KIF16B: variants seen among roughly 807,000 people sequenced by gnomAD.
KIF16B encodes the protein kinesin family member 16B, also known as kinesin-like protein KIF16B.
Under a neutral mutation model 156.3 loss-of-function variants are expected in KIF16B, and 98 were observed. That is an observed-to-expected ratio of 0.63 (90% CI 0.53 to 0.74). The LOEUF is 0.74. Ranked by LOEUF, KIF16B falls within the 30% of genes least tolerant of loss-of-function variation. KIF16B has a pLI of 0.00. For missense variants in KIF16B, 1,421 were observed against 1,606.5 expected (o/e 0.88, Z 1.97); for synonymous variants, 564 against 583.7 (o/e 0.97, Z 0.49).
chr20:16,420,153 CT>C (rs2066189748), intron 15 of KIF16B, among the ~76,000 whole-genome samples: 3 of 152,088 alleles, frequency 2.0e-5, no homozygotes, highest in Admixed American at 2.0e-4. Flanking sequence ...AGGCAACAAA[CT>C]TTATATATGT....
intron 24 of KIF16B, among the ~76,000 whole-genome samples, chr20:16,320,724 C>G (rs2122785701): frequency 6.6e-6 from 1 of 152,198 alleles, no homozygotes; most frequent in South Asian, 2.1e-4. Context: ...CCAAAAATAT[C>G]CAACCACAAG....
intron 23 of KIF16B, among the ~76,000 whole-genome samples, chr20:16,342,721 G>C (rs145176122): frequency 1.3e-5 from 2 of 152,294 alleles, no homozygotes; most frequent in African/African-American, 4.8e-5. Context: ...GATGAGCAAG[G>C]CTCAAGCTTC....
At chr20:16,374,195 G>A in intron 20 of KIF16B, 62 bp downstream of exon 20, 6 of 1,419,576 alleles carry the variant, frequency 4.2e-6, no homozygotes, top group Non-Finnish European at 5.6e-6. Flanking sequence ...GTTCAACAGA[G>A]AAACAATGAG....
At chr20:16,400,202 G>C (rs2065614216) in intron 17 of KIF16B, among the ~76,000 whole-genome samples, 1 of 152,158 alleles carries the variant, frequency 6.6e-6, no homozygotes, top group African/African-American at 2.4e-5. Flanking sequence ...ATACTTACCA[G>C]GGGAACTACA....
In KIF16B at chr20:16,504,481, T is replaced by C. The variant is rs2068717575; in HGVS notation, c.1067A>G (p.Lys356Arg). 2.5e-6 allele frequency: 4 copies of C among 1,614,014 alleles called. No homozygotes were observed. In the African/African-American group the frequency reaches 4.0e-5, roughly 16 times the overall value. Residue 356 changes from lysine to arginine, a missense_variant, in exon 10 of 26, where the codon AAA becomes AGA. Coordinates refer to ENST00000354981, the MANE Select transcript of KIF16B (RefSeq NM_024704.5). ...AATGGTAGGCTTGTTGATGATGTTT[T>C]TGGCTCTATTTGCATAGCGAAGAGT... Reference protein sequence around the residue: ...LSTLRYANRAKNIINKPTINE... With the variant: ...LSTLRYANRARNIINKPTINE...
In KIF16B at chr20:16,272,966, G is replaced by T. The variant is rs1473054137; in HGVS notation, c.*287C>A. 3.2e-6 allele frequency: 1 copy of T among 309,702 alleles called. No homozygotes were observed. Among genetic ancestry groups the T allele is most frequent in the Non-Finnish European group, 6.0e-6 (1 of 165,790 alleles). 19.2% of individuals were successfully genotyped at this position (309,702 alleles called of 1,614,324 possible). On this transcript the variant is annotated 3_prime_UTR_variant, in exon 26 of 26. Transcript: ENST00000354981. Reference sequence around the variant, plus strand: ...CAACCACATCTATCTTGCCACAGGGGACGAACTTTGCTGCGCAGTGAGAAG... The same window carrying T: ...CAACCACATCTATCTTGCCACAGGGTACGAACTTTGCTGCGCAGTGAGAAG...
At chr20:16,540,052 A>T (rs1169596684) in intron 1 of KIF16B, among the ~76,000 whole-genome samples, 1 of 152,260 alleles carries the variant, frequency 6.6e-6, no homozygotes, top group Admixed American at 6.5e-5. Flanking sequence ...GCAAAAATGA[A>T]AATAAAAACT....
chr20:16,310,717 T>C (rs1375287738), intron 25 of KIF16B, among the ~76,000 whole-genome samples: 1 of 152,172 alleles, frequency 6.6e-6, no homozygotes, highest in African/African-American at 2.4e-5. Flanking sequence ...TGAGAAAACT[T>C]GGTCAAGCAG....
chr20:16,486,145 G>A (rs1201760479), intron 12 of KIF16B, among the ~76,000 whole-genome samples: 1 of 152,092 alleles, frequency 6.6e-6, no homozygotes, highest in Non-Finnish European at 1.5e-5. Context: ...CCCAATTGTG[G>A]GGAAAAGTCT....
At chr20:16,412,714 C>A (rs909954408) in intron 15 of KIF16B, among the ~76,000 whole-genome samples, 1 of 152,094 alleles carries the variant, frequency 6.6e-6, no homozygotes, top group Non-Finnish European at 1.5e-5. Context: ...TATCTCCCAC[C>A]AGTTCCCTCC....
intron 12 of KIF16B, among the ~76,000 whole-genome samples, chr20:16,460,383 T>C (rs2067313856): frequency 6.6e-6 from 1 of 152,022 alleles, no homozygotes; most frequent in Non-Finnish European, 1.5e-5. Context: ...GAGTTTGAGA[T>C]CAGTCTGGTG....
intron 17 of KIF16B, among the ~76,000 whole-genome samples, chr20:16,403,554 G>A (rs2065708003): frequency 6.6e-6 from 1 of 152,194 alleles, no homozygotes; most frequent in Non-Finnish European, 1.5e-5. Flanking sequence ...GCTGACACAA[G>A]GGAGTCAACT....
chr20:16,307,194 T>C (rs1004265825), intron 25 of KIF16B, among the ~76,000 whole-genome samples: 2 of 152,202 alleles, frequency 1.3e-5, no homozygotes, highest in African/African-American at 4.8e-5. Flanking sequence ...TTTGTGGTTT[T>C]AGAGGATTTC....
At chr20:16,499,222 AG>A (rs2068546029) in intron 10 of KIF16B, among the ~76,000 whole-genome samples, 1 of 152,168 alleles carries the variant, frequency 6.6e-6, no homozygotes, top group South Asian at 2.1e-4. Context: ...CACATCCTCC[AG>A]GGGCCCCACA....
chr20:16,540,502 C>A (rs1278957915), intron 1 of KIF16B, among the ~76,000 whole-genome samples: 1 of 152,164 alleles, frequency 6.6e-6, no homozygotes, highest in African/African-American at 2.4e-5. Context: ...AAAGCAAAAG[C>A]TACTGACCCT....
intron 25 of KIF16B, among the ~76,000 whole-genome samples, chr20:16,302,246 T>C (rs1234430766): frequency 6.6e-6 from 1 of 152,234 alleles, no homozygotes; most frequent in Non-Finnish European, 1.5e-5. Flanking sequence ...AGGAATTTTA[T>C]AGCTTTGTGT....
intron 15 of KIF16B, among the ~76,000 whole-genome samples, chr20:16,412,971 TCGGTG>T (rs1169210598): frequency 1.3e-5 from 2 of 152,038 alleles, no homozygotes; most frequent in Non-Finnish European, 2.9e-5. Context: ...CCCAGAAATC[TCGGTG>T]TGGTTAAGGA....
chr20:16,396,543 T>C (rs941580399), intron 17 of KIF16B, among the ~76,000 whole-genome samples: 1 of 151,482 alleles, frequency 6.6e-6, no homozygotes, highest in Non-Finnish European at 1.5e-5. Context: ...TATAAATGTG[T>C]GTGTACATCT....
At chr20:16,407,410 C>A (rs1376732191) in intron 15 of KIF16B, among the ~76,000 whole-genome samples, 1 of 152,122 alleles carries the variant, frequency 6.6e-6, no homozygotes, top group Non-Finnish European at 1.5e-5. Context: ...CACTGACAGT[C>A]AACCATGAAG....
Sources: gnomAD v4.1 joint callset for allele counts (sites outside exome capture counted in the v4.1 genomes callset) on GRCh38, gnomAD v4.1.1 for gene constraint, MANE v1.5 for transcripts, NCBI Gene and HGNC (gene_info 2026-07-23, HGNC 2026-07-21) for gene names.